UBAC2: variants seen among roughly 807,000 people sequenced by gnomAD.
The protein encoded by UBAC2 is UBA domain containing 2, also known as ubiquitin-associated domain-containing protein 2.
UBAC2 carries 26 observed loss-of-function variants against 44.0 expected under a neutral mutation model. That is an observed-to-expected ratio of 0.59 (90% CI 0.43 to 0.82). The LOEUF (loss-of-function observed/expected upper bound fraction) is 0.82. Among genes scored for constraint, UBAC2 ranks in the 40% least tolerant of loss-of-function variants. UBAC2 has a pLI of 0.00. For synonymous variants in UBAC2, 155 were observed against 154.3 expected (o/e 1.00, Z -0.04); for missense variants, 329 against 419.4 (o/e 0.78, Z 1.88).
intron 2 of UBAC2, 127 bp from the exon 3 acceptor site, chr13:99,243,705 T>C (rs2043348053): frequency 6.3e-6 from 5 of 792,992 alleles, no homozygotes; most frequent in Non-Finnish European, 9.8e-6. Flanking sequence ...AGTTTTCCTT[T>C]GGTGTGTGCA....
At chr13:99,331,534 T>G (rs2044715930) in intron 6 of UBAC2, among the ~76,000 whole-genome samples, 1 of 152,226 alleles carries the variant, frequency 6.6e-6, no homozygotes, top group East Asian at 1.9e-4. Flanking sequence ...TCAAAATCTT[T>G]TAATTTAGTA....
intron 7 of UBAC2, chr13:99,351,843 C>T (rs919002145): frequency 3.3e-5 from 15 of 448,752 alleles, no homozygotes; most frequent in East Asian, 1.4e-4. Flanking sequence ...TTGGGCTGCC[C>T]GGTGTTAACT....
intron 4 of UBAC2, among the ~76,000 whole-genome samples, chr13:99,282,123 A>G (rs1391802790): frequency 6.6e-6 from 1 of 152,162 alleles, no homozygotes; most frequent in Non-Finnish European, 1.5e-5. Context: ...TGGCAGCATC[A>G]CTGGCCTCCA....
chr13:99,258,006 C>T (rs1393869379), intron 4 of UBAC2: 1 of 152,200 alleles, frequency 6.6e-6, no homozygotes. Flanking sequence ...CACAACTGAT[C>T]CTCCTGCCTT....
chr13:99,218,983 G>C (rs1276985128), intron 1 of UBAC2, among the ~76,000 whole-genome samples: 15 of 152,110 alleles, frequency 9.9e-5, no homozygotes, highest in African/African-American at 2.4e-5. Flanking sequence ...CCTTAGTTTT[G>C]GTTTAGCTCC....
intron 8 of UBAC2, among the ~76,000 whole-genome samples, chr13:99,382,186 AC>A (rs2045559660): frequency 6.6e-6 from 1 of 152,234 alleles, no homozygotes; most frequent in Non-Finnish European, 1.5e-5. Context: ...TAGGCATGAT[AC>A]AAGTTTGAGG....
chr13:99,240,334 C>T (rs556601784), intron 2 of UBAC2, among the ~76,000 whole-genome samples: 1 of 152,254 alleles, frequency 6.6e-6, no homozygotes, highest in South Asian at 2.1e-4. Context: ...ATGATTGCAA[C>T]ACATAAATTA....
chr13:99,358,858 G>A (rs925303589), intron 7 of UBAC2, among the ~76,000 whole-genome samples: 11 of 152,252 alleles, frequency 7.2e-5, no homozygotes, highest in Middle Eastern at 3.4e-3. Flanking sequence ...TGTTTGGGAC[G>A]TGTTCTATCT....
intron 4 of UBAC2, among the ~76,000 whole-genome samples, chr13:99,266,614 C>G (rs1393083785): frequency 6.6e-6 from 1 of 152,114 alleles, no homozygotes; most frequent in Non-Finnish European, 1.5e-5. Flanking sequence ...CATTTTAACT[C>G]TTATTTGTAT....
Position 99,385,432 on chromosome 13 carries a change from G to C in UBAC2, c.*97G>C, listed in dbSNP as rs1485186733. 1 of 983,768 alleles carries C rather than the reference G, an allele frequency of 1.0e-6. No individual in the cohort carries two copies. The highest frequency in any genetic ancestry group is 1.6e-5 in the African/African-American group (1 of 62,860). The allele number at this position is 983,768 out of a possible 1,614,324, so 60.9% of individuals were successfully genotyped here. A position where few individuals can be genotyped will look rare whatever the true frequency, so the allele number is the denominator to read the frequency against. ...CCGGGGACCGAGCATCTCTGGTGCT[G>C]ATGTTCTTGTGGGAAGAGGGAGGTT... On this transcript the variant is annotated 3_prime_UTR_variant, in exon 9 of 9. Coordinates refer to ENST00000403766, the MANE Select transcript of UBAC2 (RefSeq NM_001144072.2).
intron 6 of UBAC2, 54 bp from the exon 7 acceptor site, chr13:99,340,266 A>C (rs2044864126): frequency 6.3e-7 from 1 of 1,592,644 alleles, no homozygotes; most frequent in East Asian, 2.2e-5. Flanking sequence ...AGTCGTGTAC[A>C]TTTTTTAAAA....
chr13:99,325,838 G>T (rs759970982), intron 6 of UBAC2, among the ~76,000 whole-genome samples: 23 of 152,134 alleles, frequency 1.5e-4, no homozygotes, highest in Non-Finnish European at 3.2e-4. Flanking sequence ...AGGTCCTCAT[G>T]TTTCATCCAT....
At chr13:99,294,855 T>A (rs2044143844) in intron 4 of UBAC2, 4 of 443,956 alleles carry the variant, frequency 9.0e-6, no homozygotes, top group Admixed American at 7.9e-5. Flanking sequence ...AATGAAATAT[T>A]TATTTGCATT....
chr13:99,276,701 TC>T (rs1422978973), intron 4 of UBAC2, among the ~76,000 whole-genome samples: 1 of 152,238 alleles, frequency 6.6e-6, no homozygotes, highest in Non-Finnish European at 1.5e-5. Context: ...CACTTGGTCT[TC>T]CTGCTGGTCG....
intron 7 of UBAC2, among the ~76,000 whole-genome samples, chr13:99,345,833 C>T (rs2044970417): frequency 2.0e-5 from 3 of 150,182 alleles, no homozygotes; most frequent in Non-Finnish European, 4.4e-5. Context: ...ACCTCTGTCT[C>T]CTGGCTTCAA....
chr13:99,215,576 G>A (rs1358949457), intron 1 of UBAC2: 1 of 1,384,660 alleles, frequency 7.2e-7, no homozygotes, highest in Non-Finnish European at 1.0e-6. Context: ...CTGCGGTGAG[G>A]TACTCCAGGA....
At chr13:99,285,081 C>G (rs1048011388) in intron 4 of UBAC2, among the ~76,000 whole-genome samples, 7 of 152,134 alleles carry the variant, frequency 4.6e-5, no homozygotes, top group Non-Finnish European at 8.8e-5. Context: ...TTTCAGAAAG[C>G]TCTAAAATGG....
intron 6 of UBAC2, among the ~76,000 whole-genome samples, chr13:99,330,267 T>C (rs1330092003): frequency 2.6e-5 from 4 of 151,872 alleles, no homozygotes; most frequent in African/African-American, 9.7e-5. Flanking sequence ...GAGACCAGCC[T>C]GACCAACATG....
chr13:99,218,018 G>T (rs1222616249), intron 1 of UBAC2, among the ~76,000 whole-genome samples: 1 of 152,148 alleles, frequency 6.6e-6, no homozygotes. Flanking sequence ...ACATGGTCCA[G>T]AACTTTCTGT....
Sources: gnomAD v4.1 joint callset for allele counts (sites outside exome capture counted in the v4.1 genomes callset) on GRCh38, gnomAD v4.1.1 for gene constraint, MANE v1.5 for transcripts, NCBI Gene and HGNC (gene_info 2026-07-23, HGNC 2026-07-21) for gene names.